The following MEF2C variants were observed in gnomAD, a reference collection of about 807,000 sequenced individuals.
The protein encoded by MEF2C is myocyte enhancer factor 2C.
In MEF2C, 6 loss-of-function variants were observed where a neutral mutation model predicts 50.5. The observed-to-expected ratio is 0.12, with a 90% confidence interval of 0.07 to 0.23. MEF2C has a LOEUF of 0.23. MEF2C is among the 10% of genes least tolerant of loss of function. MEF2C has a pLI of 1.00. For synonymous variants in MEF2C, 183 were observed against 228.0 expected (o/e 0.80, Z 1.78); for missense variants, 276 against 605.0 (o/e 0.46, Z 5.70).
chr5:88,835,967 AAGG>A (rs1328145390), intron 1 of MEF2C, among the ~76,000 whole-genome samples: 1 of 152,158 alleles, frequency 6.6e-6, no homozygotes, highest in African/African-American at 2.4e-5. Flanking sequence ...CCTATGCCTT[AAGG>A]AATTAGGGGT....
At chr5:88,835,458 C>A (rs1271906132) in intron 1 of MEF2C, among the ~76,000 whole-genome samples, 2 of 151,982 alleles carry the variant, frequency 1.3e-5, no homozygotes, top group African/African-American at 4.8e-5. Context: ...AGATTAATTT[C>A]CAACTTGGAA....
chr5:88,731,599 C>T (rs918236827), intron 7 of MEF2C, 130 bp downstream of exon 7: 6 of 823,006 alleles, frequency 7.3e-6, no homozygotes, highest in Non-Finnish European at 1.2e-5. Flanking sequence ...AAGCAAGGCT[C>T]TGTCAATGGC....
At chr5:88,835,740 G>T (rs993128929) in intron 1 of MEF2C, among the ~76,000 whole-genome samples, 2 of 149,316 alleles carry the variant, frequency 1.3e-5, no homozygotes, top group African/African-American at 5.0e-5. Flanking sequence ...TTTAACCTGG[G>T]AAGCAGAGGT....
At chr5:88,737,929 A>G in intron 6 of MEF2C, 1 of 985,360 alleles carries the variant, frequency 1.0e-6, no homozygotes, top group South Asian at 4.7e-5. Context: ...TTGTGTTAGG[A>G]AAGGAACAAT....
In MEF2C at chr5:88,776,327, CCT is replaced by C. The variant is rs533385626; in HGVS notation, c.259-15001_259-15000del. 3.5e-3 allele frequency among the ~76,000 whole-genome samples: 534 copies of C among 152,218 alleles called. 3 individuals are homozygous for C. Among genetic ancestry groups the C allele is most frequent in the Non-Finnish European group, 5.1e-3 (349 of 68,012 alleles). ...ATCTAACTAATTAACATATCTATCA[CCT>C]CTCTTATTTTTTATGGTGAGACATT... On this transcript the variant is annotated intron_variant, in intron 3 of 10. Coordinates refer to ENST00000504921, the MANE Select transcript of MEF2C (RefSeq NM_002397.5).
At position 88,749,086 on chromosome 5, in the gene MEF2C, A is replaced by C; in HGVS notation, c.621T>G (p.Gly207=). 1 of 1,575,168 alleles carries C rather than the reference A, an allele frequency of 6.3e-7. No homozygotes were observed. The highest frequency in any genetic ancestry group is 8.6e-7 in the Non-Finnish European group (1 of 1,159,624). The change falls in exon 6 of 11, where the codon GGT becomes GGG. Residue 207 remains glycine (G), a synonymous_variant. Coordinates refer to ENST00000504921, the MANE Select transcript of MEF2C (RefSeq NM_002397.5). ...GGLMGGDLTS[G]AGTSAGNGYG... ...TGGGCTTACCTGCACTGGTGCCTGC[A>C]CCAGACGTGAGGTCTCCACCCATCA... is the stretch of plus-strand genomic sequence containing the variant.
Position 88,799,849 on chromosome 5 carries a change from TTCTCTCTC to T in MEF2C, c.258+4741_258+4748del, listed in dbSNP as rs1235744521. Among the ~76,000 whole-genome samples, 736 of 119,422 alleles carry T rather than the reference TTCTCTCTC, an allele frequency of 6.2e-3. 8 individuals carry two copies. Among genetic ancestry groups the T allele is most frequent in the African/African-American group, 0.023 (700 of 30,588 alleles). The allele number at this position is 119,422 out of a possible 152,430, so 78.3% of individuals were successfully genotyped here. A position where few individuals can be genotyped will look rare whatever the true frequency, so the allele number is the denominator to read the frequency against. On this transcript the variant is annotated intron_variant, in intron 3 of 10. Transcript: ENST00000504921. Reference sequence around the variant, plus strand: ...TCTCCATCTCCCTATGTCCCTTTCCTTCTCTCTCTCTCTCTCTCTCTCACACACACACA... The same window carrying T: ...TCTCCATCTCCCTATGTCCCTTTCCTTCTCTCTCTCTCTCACACACACACA...
chr5:88,749,298 T>A, intron 5 of MEF2C, 181 bp from the exon 6 acceptor site: 2 of 964,982 alleles, frequency 2.1e-6, no homozygotes, highest in Non-Finnish European at 2.5e-6. Flanking sequence ...ACGTTAAAAA[T>A]ACATTCAATC....
chr5:88,878,473 A>G (rs1360799599), intron 1 of MEF2C, among the ~76,000 whole-genome samples: 1 of 152,002 alleles, frequency 6.6e-6, no homozygotes, highest in East Asian at 1.9e-4. Context: ...TTACCATCCT[A>G]ATGGCAGAAA....
chr5:88,733,515 C>T (rs1385489841), intron 6 of MEF2C: 1 of 985,222 alleles, frequency 1.0e-6, no homozygotes, highest in Non-Finnish European at 1.2e-6. Context: ...GTGGACCAGT[C>T]TGGAGACTAC....
chr5:88,872,073 C>T (rs1829689229), intron 1 of MEF2C, among the ~76,000 whole-genome samples: 1 of 151,918 alleles, frequency 6.6e-6, no homozygotes, highest in South Asian at 2.1e-4. Context: ...AAAGAACACA[C>T]ATTCATCATA....
chr5:88,722,074 C>A lies in MEF2C; in HGVS notation c.*530G>T, dbSNP rs567290114. On this transcript the variant is annotated 3_prime_UTR_variant, in exon 11 of 11. Coordinates refer to ENST00000504921, the MANE Select transcript of MEF2C (RefSeq NM_002397.5). ...CTGATCCTTTTTAATGAGTGCCATACGCCAATGATATGCCTGCAGGTTTGT... is the reference window on the plus strand; with the variant it reads ...CTGATCCTTTTTAATGAGTGCCATAAGCCAATGATATGCCTGCAGGTTTGT... 2.0e-5 allele frequency: 3 copies of A among 153,012 alleles called. No individual in the cohort carries two copies. Among genetic ancestry groups the A allele is most frequent in the Non-Finnish European group, 2.9e-5 (2 of 68,468 alleles). The allele number at this position is 153,012 out of a possible 1,614,324, so 9.5% of individuals were successfully genotyped here.
chr5:88,725,814 T>G (rs1267228227), intron 10 of MEF2C, among the ~76,000 whole-genome samples: 3 of 152,128 alleles, frequency 2.0e-5, no homozygotes, highest in Admixed American at 2.0e-4. Context: ...GAGTTATCTC[T>G]CTCAGTATGT....
intron 3 of MEF2C, among the ~76,000 whole-genome samples, chr5:88,797,232 G>A (rs1241026938): frequency 6.6e-6 from 1 of 152,074 alleles, no homozygotes; most frequent in African/African-American, 2.4e-5. Context: ...GGGTGTTAAA[G>A]TCTCCGACTA....
chr5:88,783,411 C>T (rs1789178317), intron 3 of MEF2C, among the ~76,000 whole-genome samples: 2 of 152,114 alleles, frequency 1.3e-5, no homozygotes, highest in Non-Finnish European at 2.9e-5. Context: ...GGCGGATCAC[C>T]TGAAGTCGAG....
At chr5:88,847,026 G>A (rs931630892) in intron 1 of MEF2C, among the ~76,000 whole-genome samples, 1 of 152,130 alleles carries the variant, frequency 6.6e-6, no homozygotes, top group African/African-American at 2.4e-5. Context: ...CAGGAATGAC[G>A]TCTTTTTATA....
chr5:88,746,771 T>A, intron 6 of MEF2C: 1 of 836,964 alleles, frequency 1.2e-6, no homozygotes, highest in Non-Finnish European at 1.4e-6. Flanking sequence ...AGTTTATGAG[T>A]AGGACATGAC....
intron 1 of MEF2C, among the ~76,000 whole-genome samples, chr5:88,868,410 T>C (rs531821223): frequency 1.6e-4 from 24 of 152,298 alleles, no homozygotes; most frequent in African/African-American, 5.1e-4. Context: ...CTTTGAGTGA[T>C]AGAAGATTTT....
intron 2 of MEF2C, among the ~76,000 whole-genome samples, chr5:88,810,698 T>C (rs918486344): frequency 6.6e-6 from 1 of 152,136 alleles, no homozygotes; most frequent in African/African-American, 2.4e-5. Context: ...AATTGATCAA[T>C]GTTAAGTTTA....
Sources: allele counts gnomAD v4.1 joint callset (sites outside exome capture counted in the v4.1 genomes callset), GRCh38; gene constraint gnomAD v4.1.1; transcripts MANE v1.5; gene names NCBI Gene and HGNC (gene_info 2026-07-23, HGNC 2026-07-21).